Variants in FRMPD3 observed in about 807,000 individuals in gnomAD.
FRMPD3 encodes FERM and PDZ domain-containing protein 3.
Under a neutral mutation model 97.9 loss-of-function variants are expected in FRMPD3, and 42 were observed. The observed-to-expected ratio is 0.43, with a 90% CI of 0.34 to 0.55. The LOEUF (loss-of-function observed/expected upper bound fraction) is 0.55. FRMPD3 is among the 20% of genes least tolerant of loss of function. FRMPD3 has a pLI of 0.03. For missense variants in FRMPD3, 1,303 were observed against 1,457.7 expected (o/e 0.89, Z 1.73); for synonymous variants, 577 against 581.1 (o/e 0.99, Z 0.10).
chrX:107,542,414 C>CA (rs1921354080), intron 4 of FRMPD3, among the ~76,000 whole-genome samples: 1 of 111,846 alleles, frequency 8.9e-6, no homozygotes, highest in South Asian at 3.8e-4. Flanking sequence ...TGGAAATCAT[C>CA]AGAAGCTTGA....
chrX:107,508,378 A>C (rs1184362054), intron 1 of FRMPD3, among the ~76,000 whole-genome samples: 1 of 112,371 alleles, frequency 8.9e-6, no homozygotes, highest in Non-Finnish European at 1.9e-5. Context: ...AGAATGTATT[A>C]GTAGGTGCCT....
Position 107,601,548 on chromosome X carries a change from A to G in FRMPD3, c.3509A>G (p.Gln1170Arg). Residue 1170 changes from glutamine to arginine, a missense_variant, in exon 15 of 15, where the codon CAG (glutamine) becomes CGG (arginine). By Grantham distance (43) the Gln-to-Arg change is conservative. Around this residue, in one of 3 missense-constraint regions of FRMPD3, gnomAD observed 764 missense variants for 820.2 expected, o/e 0.93. Coordinates refer to ENST00000683843, the MANE Select transcript of FRMPD3 (RefSeq NM_001388459.1). ...AGCCCCAGCTGCCAACCTCGAGGCC[A>G]GAGCCCACTGAGGTCTCAGGCTGCC... ...GQSPSCQPRG[Q>R]SPLRSQAASR... 1 of 1,189,681 alleles carries G rather than the reference A, an allele frequency of 8.4e-7. No homozygotes were observed. Among genetic ancestry groups the G allele is most frequent in the Admixed American group, 2.4e-5 (1 of 41,585 alleles).
At chrX:107,543,644 C>T (rs368675504) in intron 4 of FRMPD3, among the ~76,000 whole-genome samples, 1 of 109,351 alleles carries the variant, frequency 9.1e-6, no homozygotes, top group East Asian at 2.9e-4. Flanking sequence ...GGTGAAACCC[C>T]GTCTCTACCA....
chrX:107,583,214 C>A (rs1046885189), intron 13 of FRMPD3, among the ~76,000 whole-genome samples: 3 of 109,721 alleles, frequency 2.7e-5, no homozygotes, highest in Non-Finnish European at 5.7e-5. Flanking sequence ...CTCCTATTCA[C>A]CCGTCCTCTA....
chrX:107,495,613 G>A (rs1921756771), intron 1 of FRMPD3, among the ~76,000 whole-genome samples: 2 of 111,367 alleles, frequency 1.8e-5, no homozygotes, highest in South Asian at 7.6e-4. Flanking sequence ...GACACATGGG[G>A]CCTTTGAGAT....
chrX:107,514,672 C>A (rs1373938024), intron 1 of FRMPD3, among the ~76,000 whole-genome samples: 1 of 109,253 alleles, frequency 9.2e-6, no homozygotes, highest in Non-Finnish European at 1.9e-5. Context: ...ATTACAGGTG[C>A]GTGCCACCAC....
At chrX:107,465,982 A>G (rs1942589509) in intron 1 of FRMPD3, among the ~76,000 whole-genome samples, 1 of 112,426 alleles carries the variant, frequency 8.9e-6, no homozygotes, top group Non-Finnish European at 1.9e-5. Flanking sequence ...AAAGGCTCTG[A>G]GAAGTTTTGC....
chrX:107,589,546 T>C (rs747061471), intron 13 of FRMPD3, among the ~76,000 whole-genome samples: 1 of 110,655 alleles, frequency 9.0e-6, no homozygotes, highest in East Asian at 2.9e-4. Flanking sequence ...GCCAACCTAC[T>C]AGTCAGTTCT....
chrX:107,451,009 C>CACACACACACCACAGCCCCAT (rs1931278483), intron 1 of FRMPD3, among the ~76,000 whole-genome samples: 1 of 111,068 alleles, frequency 9.0e-6, no homozygotes, highest in Non-Finnish European at 1.9e-5. Flanking sequence ...GGGTTTCCTG[C>CACACACACACCACAGCCCCAT]ACACACACAC....
rs1342204169 is a variant in FRMPD3, at chrX:107,563,112, G to A, written c.1028G>A (p.Gly343Asp). 4.1e-6 allele frequency: 5 copies of A among 1,206,884 alleles called. No individual in the cohort carries two copies. The highest frequency in any genetic ancestry group is 4.4e-5 in the Admixed American group (2 of 45,898). The change falls in exon 11 of 15, where the codon GGC becomes GAC. Residue 343 changes from glycine to aspartate, a missense_variant and splice_region_variant. Gly to Asp is a moderately conservative substitution (Grantham distance 94). Around this residue, in one of 3 missense-constraint regions of FRMPD3, gnomAD observed 535 missense variants for 618.6 expected, o/e 0.86. Coordinates refer to ENST00000683843, the MANE Select transcript of FRMPD3 (RefSeq NM_001388459.1). ...HQTHPSCGTK[G>D]SAIQAKLQYL... ...ATTTCTGGATGGGTTTTTCCACAGG[G>A]CTCTGCAATTCAGGCAAAGCTCCAG...
At chrX:107,573,845 A>G (rs1033693315) in intron 12 of FRMPD3, among the ~76,000 whole-genome samples, 1 of 112,555 alleles carries the variant, frequency 8.9e-6, no homozygotes, top group Non-Finnish European at 1.9e-5. Context: ...CTGCAATAGG[A>G]AAAGAATTTA....
At chrX:107,541,062 T>G (rs1421570373) in intron 4 of FRMPD3, among the ~76,000 whole-genome samples, 1 of 113,282 alleles carries the variant, frequency 8.8e-6, no homozygotes, top group Non-Finnish European at 1.9e-5. Flanking sequence ...ATCACGGCTG[T>G]GTTCCAGTAA....
intron 13 of FRMPD3, among the ~76,000 whole-genome samples, chrX:107,592,688 T>C (rs1171041905): frequency 2.7e-5 from 3 of 109,934 alleles, no homozygotes; most frequent in Non-Finnish European, 5.6e-5. Flanking sequence ...CTGTTTTCCA[T>C]AGTGGTTGTA....
intron 7 of FRMPD3, among the ~76,000 whole-genome samples, chrX:107,553,332 C>A (rs1398102591): frequency 9.4e-6 from 1 of 106,414 alleles, no homozygotes; most frequent in Non-Finnish European, 1.9e-5. Context: ...TTCCCAACTC[C>A]CACTTATCCT....
At chrX:107,515,422 A>C (rs2147538031) in intron 1 of FRMPD3, among the ~76,000 whole-genome samples, 1 of 111,586 alleles carries the variant, frequency 9.0e-6, no homozygotes, top group African/African-American at 3.3e-5. Context: ...GTAGGTAAGG[A>C]CCGAGAGATG....
intron 13 of FRMPD3, among the ~76,000 whole-genome samples, chrX:107,589,902 G>A (rs1402344316): frequency 8.9e-6 from 1 of 112,615 alleles, no homozygotes; most frequent in Non-Finnish European, 1.9e-5. Context: ...TGTAATCCCA[G>A]CACTTTGGGA....
At chrX:107,577,609 T>A (rs5962855) in intron 13 of FRMPD3, among the ~76,000 whole-genome samples, 18,462 of 109,386 alleles carry the variant, frequency 0.17, 3,413 homozygotes, top group African/African-American at 0.54. Context: ...AGATCCCGCC[T>A]TTTTACTTCA....
intron 13 of FRMPD3, among the ~76,000 whole-genome samples, chrX:107,577,079 C>T (rs746920957): frequency 9.9e-6 from 1 of 101,416 alleles, no homozygotes; most frequent in African/African-American, 3.7e-5. Flanking sequence ...TCATATCACA[C>T]TTTGGGAGGC....
chrX:107,480,955 A>C (rs1307403443), intron 1 of FRMPD3, among the ~76,000 whole-genome samples: 1 of 110,265 alleles, frequency 9.1e-6, no homozygotes, highest in Non-Finnish European at 1.9e-5. Flanking sequence ...AAAGAAAGAA[A>C]GAAAGAAACA....
Sources: allele counts gnomAD v4.1 joint callset (sites outside exome capture counted in the v4.1 genomes callset), GRCh38; gene constraint gnomAD v4.1.1; regional missense constraint gnomAD v4.1.1; transcripts MANE v1.5; gene names NCBI Gene and HGNC (gene_info 2026-07-23, HGNC 2026-07-21).